FGF14: variants seen among roughly 807,000 people sequenced by gnomAD.
The protein encoded by FGF14 is fibroblast growth factor 14.
FGF14 carries 5 observed loss-of-function variants against 25.5 expected under a neutral mutation model. The observed-to-expected ratio is 0.20, with a 90% CI of 0.10 to 0.41. FGF14 has a LOEUF of 0.41. FGF14 is among the 10% of genes least tolerant of loss of function. FGF14 has a pLI of 1.00. For synonymous variants in FGF14, 138 were observed against 118.3 expected (o/e 1.17, Z -1.08); for missense variants, 222 against 320.1 (o/e 0.69, Z 2.34).
At chr13:102,140,109 G>C (rs897157295) in intron 1 of FGF14, among the ~76,000 whole-genome samples, 2 of 147,960 alleles carry the variant, frequency 1.4e-5, no homozygotes, top group Non-Finnish European at 3.0e-5. Context: ...TGGTGACAGA[G>C]TAGTAAGATT....
intron 1 of FGF14, among the ~76,000 whole-genome samples, chr13:102,180,405 T>C (rs778768490): frequency 6.6e-6 from 1 of 152,066 alleles, no homozygotes; most frequent in Non-Finnish European, 1.5e-5. Context: ...CTTTGCCTCC[T>C]GGGTTCAAGC....
chr13:102,293,963 A>G (rs933081588), intron 1 of FGF14: 4 of 152,188 alleles, frequency 2.6e-5, no homozygotes, highest in Non-Finnish European at 5.9e-5. Context: ...GAGGGGGAAA[A>G]ATCATGCAAC....
intron 1 of FGF14, among the ~76,000 whole-genome samples, chr13:102,272,017 C>CA (rs1288888405): frequency 3.3e-5 from 5 of 152,024 alleles, no homozygotes; most frequent in Non-Finnish European, 5.9e-5. Context: ...CTTCCAGTTG[C>CA]AAAAAAAGTA....
intron 1 of FGF14, among the ~76,000 whole-genome samples, chr13:101,923,044 C>T (rs2034118422): frequency 6.6e-6 from 1 of 151,666 alleles, no homozygotes; most frequent in African/African-American, 2.4e-5. Flanking sequence ...TTAGGTACTT[C>T]GATGAAAGAA....
At chr13:102,112,314 G>T (rs1403757069) in intron 1 of FGF14, among the ~76,000 whole-genome samples, 1 of 152,142 alleles carries the variant, frequency 6.6e-6, no homozygotes, top group South Asian at 2.1e-4. Context: ...AATCTACGCA[G>T]GTGGGGCAGG....
chr13:102,321,187 T>C (rs144994644), intron 1 of FGF14, among the ~76,000 whole-genome samples: 108 of 152,226 alleles, frequency 7.1e-4, no homozygotes, highest in African/African-American at 2.0e-3. Flanking sequence ...ATAGAGCACA[T>C]TTTTTCTCAA....
At chr13:102,295,306 A>C (rs769234129) in intron 1 of FGF14, among the ~76,000 whole-genome samples, 18 of 152,110 alleles carry the variant, frequency 1.2e-4, no homozygotes, top group Non-Finnish European at 2.6e-4. Flanking sequence ...CCCTCTCATC[A>C]ACATCTTCTG....
chr13:102,003,250 G>T (rs986665029), intron 1 of FGF14: 4 of 152,182 alleles, frequency 2.6e-5, no homozygotes, highest in African/African-American at 9.7e-5. Flanking sequence ...CTTAGAATAT[G>T]TCCAGAAGAC....
intron 1 of FGF14, among the ~76,000 whole-genome samples, chr13:102,195,999 G>T (rs1274398043): frequency 6.6e-6 from 1 of 152,168 alleles, no homozygotes; most frequent in African/African-American, 2.4e-5. Flanking sequence ...TTAGCAACAA[G>T]CAAGGAATTG....
chr13:102,000,744 C>A (rs764254706), intron 1 of FGF14, among the ~76,000 whole-genome samples: 2 of 152,140 alleles, frequency 1.3e-5, no homozygotes, highest in Non-Finnish European at 2.9e-5. Flanking sequence ...TGCAAATGCT[C>A]ATAGTGATCT....
chr13:102,148,323 C>T (rs1566745180), intron 1 of FGF14, among the ~76,000 whole-genome samples: 3 of 152,062 alleles, frequency 2.0e-5, no homozygotes, highest in South Asian at 2.1e-4. Flanking sequence ...TGATTATATA[C>T]AAGAATTTTT....
chr13:101,758,015 A>T (rs891039547), intron 3 of FGF14, among the ~76,000 whole-genome samples: 1 of 152,208 alleles, frequency 6.6e-6, no homozygotes, highest in Non-Finnish European at 1.5e-5. Context: ...TATATATATA[A>T]AACATCTAAC....
intron 1 of FGF14, among the ~76,000 whole-genome samples, chr13:102,239,723 C>T (rs939736336): frequency 2.6e-5 from 4 of 152,160 alleles, no homozygotes; most frequent in Non-Finnish European, 5.9e-5. Context: ...ACACAGTTTT[C>T]CTGGGTTTTA....
intron 1 of FGF14, among the ~76,000 whole-genome samples, chr13:102,051,059 T>C (rs1342867995): frequency 1.3e-5 from 2 of 152,210 alleles, no homozygotes; most frequent in Non-Finnish European, 2.9e-5. Context: ...CTCAGAGCTG[T>C]GGTCAATATG....
intron 1 of FGF14, among the ~76,000 whole-genome samples, chr13:102,352,811 C>CA (rs368786811): frequency 0.14 from 8,648 of 61,640 alleles, 596 homozygotes; most frequent in African/African-American, 0.26. Context: ...GACTCTGTCT[C>CA]AAAAAAAAAA....
intron 1 of FGF14, among the ~76,000 whole-genome samples, chr13:101,898,918 C>T (rs1292812816): frequency 6.6e-6 from 1 of 152,134 alleles, no homozygotes; most frequent in Non-Finnish European, 1.5e-5. Flanking sequence ...CTCTTTCTCT[C>T]AAGAATTTGC....
At position 101,722,637 on chromosome 13, in the gene FGF14, C is replaced by T; in HGVS notation, c.*194G>A. The T allele has an allele frequency of 1.5e-6, 1 of 674,664 alleles. No individual in the cohort carries two copies. Among genetic ancestry groups the T allele is most frequent in the Non-Finnish European group, 2.6e-6 (1 of 391,542 alleles). The allele number at this position is 674,664 out of a possible 1,614,324, so 41.8% of individuals were successfully genotyped here. On this transcript the variant is annotated 3_prime_UTR_variant, in exon 5 of 5. Transcript: ENST00000376143. ...CATGGTCTGAGTTTAGCTGGTTATC[C>T]AGGTGTCTTCTTGTTGTGGGGGGTG...
intron 1 of FGF14, among the ~76,000 whole-genome samples, chr13:102,038,277 G>GT (rs2041569261): frequency 6.6e-6 from 1 of 152,122 alleles, no homozygotes; most frequent in Admixed American, 6.6e-5. Flanking sequence ...ATCACCCAGT[G>GT]TAACAGTTTG....
intron 1 of FGF14, among the ~76,000 whole-genome samples, chr13:102,348,552 C>G (rs1179751735): frequency 6.6e-6 from 1 of 152,164 alleles, no homozygotes; most frequent in African/African-American, 2.4e-5. Context: ...CAAGCCTGGG[C>G]ATAGAGAAAA....
Sources: allele counts gnomAD v4.1 joint callset (sites outside exome capture counted in the v4.1 genomes callset), GRCh38; gene constraint gnomAD v4.1.1; transcripts MANE v1.5; gene names NCBI Gene and HGNC (gene_info 2026-07-23, HGNC 2026-07-21).